The following MAGI2 variants were observed in gnomAD, a reference collection of about 807,000 sequenced individuals.
The protein encoded by MAGI2 is membrane-associated guanylate kinase, WW and PDZ domain-containing protein 2.
In MAGI2, 35 loss-of-function variants were observed where a neutral mutation model predicts 133.3. The ratio of observed to expected loss-of-function variants is 0.26; its 90% CI spans 0.20 to 0.35. The LOEUF is 0.35. MAGI2 is among the 10% of genes least tolerant of loss of function. MAGI2 has a pLI of 1.00. For synonymous variants in MAGI2, 729 were observed against 710.6 expected, an observed-to-expected ratio of 1.03 and a Z score of -0.41; for missense variants, 1,636 against 1,863.4, an observed-to-expected ratio of 0.88 and a Z score of 2.25.
chr7:78,404,570 A>C (rs1797203585), intron 6 of MAGI2, among the ~76,000 whole-genome samples: 2 of 152,222 alleles, frequency 1.3e-5, no homozygotes, highest in African/African-American at 4.8e-5. Flanking sequence ...AAATGGGGAA[A>C]GGATTCCCTA....
chr7:79,364,965 C>T (rs558394713), intron 1 of MAGI2, among the ~76,000 whole-genome samples: 6 of 151,028 alleles, frequency 4.0e-5, no homozygotes, highest in African/African-American at 1.5e-4. Context: ...AAAAGGCAAG[C>T]TAGAAATTTG....
intron 20 of MAGI2, among the ~76,000 whole-genome samples, chr7:78,102,822 G>A (rs772526276): frequency 2.0e-5 from 3 of 152,188 alleles, no homozygotes; most frequent in Non-Finnish European, 4.4e-5. Flanking sequence ...ATACATAAGA[G>A]CAGAACTGCT....
chr7:78,657,642 G>A (rs1215653238), intron 2 of MAGI2, among the ~76,000 whole-genome samples: 1 of 152,172 alleles, frequency 6.6e-6, no homozygotes, highest in Non-Finnish European at 1.5e-5. Context: ...ATCAGTGATT[G>A]CCAGGGATTG....
Position 78,661,704 on chromosome 7 carries a change from T to C in MAGI2, c.419-34465A>G, listed in dbSNP as rs146362069. 2.8e-3 allele frequency among the ~76,000 whole-genome samples: 424 copies of C among 152,322 alleles called. 4 individuals are homozygous for C. The highest frequency in any genetic ancestry group is 9.4e-3 in the African/African-American group (392 of 41,568). ...TTCCTAGTTACAGTCTATTCTTAAA[T>C]GACTGTCTGGTTAATATTCCTCATT... is the stretch of plus-strand genomic sequence containing the variant. On this transcript the variant is annotated intron_variant, in intron 2 of 21. Transcript: ENST00000354212.
chr7:78,978,481 T>G (rs1294608729), intron 2 of MAGI2, among the ~76,000 whole-genome samples: 1 of 151,630 alleles, frequency 6.6e-6, no homozygotes, highest in Non-Finnish European at 1.5e-5. Context: ...AGATGAGGGG[T>G]TCAGGAAGAG....
chr7:78,414,104 C>T (rs1224158183), intron 6 of MAGI2, among the ~76,000 whole-genome samples: 2 of 151,924 alleles, frequency 1.3e-5, no homozygotes, highest in East Asian at 1.9e-4. Context: ...CAGTGTTTTA[C>T]TTCTGAAGGC....
intron 1 of MAGI2, among the ~76,000 whole-genome samples, chr7:79,111,038 T>G (rs923835687): frequency 1.3e-5 from 2 of 152,188 alleles, no homozygotes; most frequent in African/African-American, 4.8e-5. Context: ...CAGCCTCCAG[T>G]ATTTCTCAGG....
intron 2 of MAGI2, among the ~76,000 whole-genome samples, chr7:78,655,474 A>C (rs1812122113): frequency 6.6e-6 from 1 of 150,672 alleles, no homozygotes. Context: ...AAAAAAAAAA[A>C]ACCACCAGAA....
chr7:79,189,254 T>C (rs1476324432), intron 1 of MAGI2, among the ~76,000 whole-genome samples: 1 of 138,962 alleles, frequency 7.2e-6, no homozygotes, highest in Non-Finnish European at 1.5e-5. Context: ...GTTTATTGTC[T>C]CCAAACCAAG....
At position 78,313,696 on chromosome 7, in the gene MAGI2, G is replaced by A. The variant is rs1334339362; in HGVS notation, c.1408+30082C>T. The stretch of plus-strand genomic sequence containing the variant: ...TGTCTGTGTATTATTAAGCTCAATG[G>A]CCAGTAGCACATTTTGTTTACTTTT... On this transcript the variant is annotated intron_variant, in intron 9 of 21. Coordinates refer to ENST00000354212, the MANE Select transcript of MAGI2 (RefSeq NM_012301.4). Among the ~76,000 whole-genome samples the A allele has an allele frequency of 2.6e-5, 4 of 151,658 alleles. No homozygotes were observed. In the East Asian group the frequency reaches 7.7e-4, roughly 29 times the overall value.
chr7:78,933,843 C>T (rs142784069), intron 2 of MAGI2, among the ~76,000 whole-genome samples: 75 of 152,078 alleles, frequency 4.9e-4, no homozygotes, highest in African/African-American at 1.8e-3. Flanking sequence ...AGGCAGGTAA[C>T]GCTGGAGAAA....
chr7:78,600,341 C>T (rs1266262265), intron 3 of MAGI2, among the ~76,000 whole-genome samples: 1 of 151,906 alleles, frequency 6.6e-6, no homozygotes, highest in South Asian at 2.1e-4. Context: ...GTTAACTAGA[C>T]TTACCAAAAA....
At chr7:78,676,316 G>T (rs1483074673) in intron 2 of MAGI2, among the ~76,000 whole-genome samples, 1 of 152,120 alleles carries the variant, frequency 6.6e-6, no homozygotes, top group Non-Finnish European at 1.5e-5. Context: ...ATACCTCAGT[G>T]CTCAAGACAA....
intron 2 of MAGI2, among the ~76,000 whole-genome samples, chr7:78,811,261 T>C (rs1331876253): frequency 7.9e-5 from 12 of 152,108 alleles, no homozygotes; most frequent in Non-Finnish European, 1.8e-4. Context: ...ATATGCTGTT[T>C]GCTGTTAATG....
At chr7:78,114,078 G>T (rs1385832137) in intron 20 of MAGI2, among the ~76,000 whole-genome samples, 1 of 152,218 alleles carries the variant, frequency 6.6e-6, no homozygotes, top group Non-Finnish European at 1.5e-5. Context: ...GACAGCCAGT[G>T]AGTTGTTGAG....
intron 20 of MAGI2, among the ~76,000 whole-genome samples, chr7:78,080,962 C>G (rs926056664): frequency 6.6e-6 from 1 of 152,204 alleles, no homozygotes; most frequent in Admixed American, 6.5e-5. Context: ...GTCCCTCTCC[C>G]GCCAACCTCT....
intron 9 of MAGI2, among the ~76,000 whole-genome samples, chr7:78,279,506 A>C (rs1795351166): frequency 6.6e-6 from 1 of 152,200 alleles, no homozygotes; most frequent in Non-Finnish European, 1.5e-5. Flanking sequence ...TTAAAACTGC[A>C]GTAAACAGGT....
At chr7:78,239,621 A>G (rs1038931474) in intron 10 of MAGI2, among the ~76,000 whole-genome samples, 1 of 152,240 alleles carries the variant, frequency 6.6e-6, no homozygotes, top group African/African-American at 2.4e-5. Flanking sequence ...TTTATCACAA[A>G]AAGATATACA....
At chr7:78,653,212 T>A (rs1367917826) in intron 2 of MAGI2, among the ~76,000 whole-genome samples, 3 of 152,178 alleles carry the variant, frequency 2.0e-5, no homozygotes, top group African/African-American at 4.8e-5. Context: ...TCAACCATTA[T>A]GGAAAATAGT....
Sources: gnomAD v4.1 joint callset for allele counts (sites outside exome capture counted in the v4.1 genomes callset) on GRCh38, gnomAD v4.1.1 for gene constraint, MANE v1.5 for transcripts, NCBI Gene and HGNC (gene_info 2026-07-23, HGNC 2026-07-21) for gene names.